Variants in SMARCAD1 observed in about 807,000 individuals in gnomAD.
SMARCAD1 encodes SWI/SNF-related matrix-associated actin-dependent regulator of chromatin subfamily A containing DEAD/H box 1.
SMARCAD1 carries 25 observed loss-of-function variants against 127.1 expected under a neutral mutation model. That is an observed-to-expected ratio of 0.20 (90% CI 0.14 to 0.27). The LOEUF is 0.27. Among genes scored for constraint, SMARCAD1 ranks in the 10% least tolerant of loss-of-function variants. The probability of loss-of-function intolerance (pLI) is 1.00; values close to 1 mark genes in which losing one functional copy is unlikely to be tolerated. For missense variants in SMARCAD1, 807 were observed against 1,206.0 expected (o/e 0.67, Z 4.90); for synonymous variants, 400 against 396.9 (o/e 1.01, Z -0.09).
In SMARCAD1 at chr4:94,270,796, A is replaced by G. The variant is rs1752440772; in HGVS notation, c.1550A>G (p.Asn517Ser). 2 of 1,613,406 alleles carry G rather than the reference A, an allele frequency of 1.2e-6. No individual in the cohort carries two copies. Among genetic ancestry groups the G allele is most frequent in the Admixed American group, 1.7e-5 (1 of 59,986 alleles). The change falls in exon 11 of 24, where the codon AAT becomes AGT. Residue 517 changes from asparagine to serine, a missense_variant. Asn to Ser is a conservative substitution (Grantham distance 46). This residue lies in a region of SMARCAD1 where 148 missense variants were observed against 313.2 expected (regional missense o/e 0.47). Coordinates refer to ENST00000354268, the MANE Select transcript of SMARCAD1 (RefSeq NM_020159.5). ...GCATTGGTACATAAACATGGACTTA[A>G]TGGCATTTTGGCAGATGAAATGGTA... ...WLALVHKHGL[N>S]GILADEMGLG...
At chr4:94,272,521 C>T (rs1752680618) in intron 11 of SMARCAD1, among the ~76,000 whole-genome samples, 1 of 152,146 alleles carries the variant, frequency 6.6e-6, no homozygotes, top group East Asian at 1.9e-4. Context: ...TGCTTTTTTC[C>T]AGTTACTGCT....
Position 94,208,121 on chromosome 4 carries a change from G to A in SMARCAD1, c.-50+51G>A, listed in dbSNP as rs573432918. The A allele has an allele frequency of 1.1e-4, 61 of 574,968 alleles. No individual in the cohort carries two copies. In the East Asian group the frequency reaches 2.2e-3, roughly 21 times the overall value. The allele number at this position is 574,968 out of a possible 1,614,324, so 35.6% of individuals were successfully genotyped here. A position where few individuals can be genotyped will look rare whatever the true frequency, so the allele number is the denominator to read the frequency against. ...GCTCGTGGTTTCAGTAAGGAGGGGC[G>A]GGCGGGGGAGGCGGACGAAGGGGAG... On this transcript the variant is annotated intron_variant, in intron 1 of 23. Transcript: ENST00000354268.
At chr4:94,284,350 A>G (rs77753171) in intron 22 of SMARCAD1, among the ~76,000 whole-genome samples, 7 of 100,426 alleles carry the variant, frequency 7.0e-5, no homozygotes, top group South Asian at 7.3e-4. Context: ...AAAAAAAAAA[A>G]AAAGAAAAAA....
At chr4:94,213,199 A>C in intron 2 of SMARCAD1, 1 of 785,628 alleles carries the variant, frequency 1.3e-6, no homozygotes, top group African/African-American at 1.8e-5. Context: ...AAAACCATAT[A>C]ATAGGGCAAA....
At chr4:94,230,364 A>G (rs943205781) in intron 3 of SMARCAD1, among the ~76,000 whole-genome samples, 4 of 151,956 alleles carry the variant, frequency 2.6e-5, no homozygotes, top group African/African-American at 9.7e-5. Context: ...CTTAGCATAT[A>G]TGTATATATC....
chr4:94,231,401 C>A (rs1185564129), intron 3 of SMARCAD1, among the ~76,000 whole-genome samples: 1 of 152,130 alleles, frequency 6.6e-6, no homozygotes, highest in African/African-American at 2.4e-5. Context: ...GAAGGAACTT[C>A]TTTATCTGAG....
intron 9 of SMARCAD1, among the ~76,000 whole-genome samples, chr4:94,253,983 G>T (rs1749679398): frequency 6.6e-6 from 1 of 152,074 alleles, no homozygotes; most frequent in Non-Finnish European, 1.5e-5. Context: ...TGCTTTTGTG[G>T]TTAATTTTAT....
intron 2 of SMARCAD1, among the ~76,000 whole-genome samples, chr4:94,209,340 T>C (rs1741809384): frequency 6.6e-6 from 1 of 152,190 alleles, no homozygotes; most frequent in African/African-American, 2.4e-5. Flanking sequence ...TAATGTGAAA[T>C]GAGATTCAGA....
At position 94,276,374 on chromosome 4, in the gene SMARCAD1, G is replaced by T; in HGVS notation, c.1844G>T (p.Ser615Ile). The change falls in exon 15 of 24, where the codon AGT becomes ATT. Residue 615 changes from serine to isoleucine, a missense_variant. Physicochemically the swap from Ser to Ile is moderately radical, Grantham distance 142. Coordinates refer to ENST00000354268, the MANE Select transcript of SMARCAD1 (RefSeq NM_020159.5). ...GCGATCAGCAGTTCTGATGACCGTA[G>T]TCTGTTTCGACGGCTGAAACTTAAT... ...NCAISSSDDRSLFRRLKLNYA... is the reference protein window; with the variant it reads ...NCAISSSDDRILFRRLKLNYA... The T allele has an allele frequency of 1.2e-6, 2 of 1,614,142 alleles. No homozygotes were observed. The highest frequency in any genetic ancestry group is 1.7e-6 in the Non-Finnish European group (2 of 1,180,026).
intron 2 of SMARCAD1, among the ~76,000 whole-genome samples, chr4:94,209,068 C>A (rs1741756537): frequency 6.6e-6 from 1 of 152,150 alleles, no homozygotes. Flanking sequence ...TCCTGGATGT[C>A]CTCAGAATGC....
chr4:94,284,438 A>G (rs1553922072), intron 22 of SMARCAD1, among the ~76,000 whole-genome samples: 3 of 150,780 alleles, frequency 2.0e-5, no homozygotes, highest in Non-Finnish European at 4.4e-5. Context: ...ACAGAGCCTC[A>G]CTCTGGCTGG....
Position 94,278,997 on chromosome 4 carries a change from C to A in SMARCAD1, c.2365C>A (p.Arg789Ser), listed in dbSNP as rs781559336. The A allele has an allele frequency of 1.9e-6, 3 of 1,614,002 alleles. No homozygotes were observed. Among genetic ancestry groups the A allele is most frequent in the Non-Finnish European group, 2.5e-6 (3 of 1,179,994 alleles). Residue 789 changes from arginine (R) to serine (S), a missense_variant, in exon 19 of 24, where the codon CGC becomes AGC. Physicochemically the swap from Arg to Ser is moderately radical, Grantham distance 110 (BLOSUM62 -1). Transcript: ENST00000354268. ...RKMANHPLLHRQYYTAEKLKE... is the reference protein window; with the variant it reads ...RKMANHPLLHSQYYTAEKLKE... ...AATGGCCAATCATCCTTTATTACAT[C>A]GCCAATATTACACAGCTGAAAAACT...
chr4:94,269,893 G>A (rs887908272), intron 10 of SMARCAD1, among the ~76,000 whole-genome samples: 3 of 151,760 alleles, frequency 2.0e-5, no homozygotes, highest in Non-Finnish European at 2.9e-5. Context: ...GGCTGGTCGC[G>A]AACTCCTGAG....
At chr4:94,240,764 A>G (rs1345471221) in intron 5 of SMARCAD1, 142 bp from the exon 6 acceptor site, 2 of 671,004 alleles carry the variant, frequency 3.0e-6, no homozygotes, top group Non-Finnish European at 2.7e-6. Context: ...CAATTCAGTC[A>G]TATGTAGAAC....
intron 4 of SMARCAD1, among the ~76,000 whole-genome samples, chr4:94,235,548 T>C (rs1420561042): frequency 6.6e-6 from 1 of 152,028 alleles, no homozygotes; most frequent in Non-Finnish European, 1.5e-5. Context: ...CAGATCATTT[T>C]GATACCATCT....
At chr4:94,235,154 C>A (rs1005827771) in intron 4 of SMARCAD1, among the ~76,000 whole-genome samples, 2 of 151,306 alleles carry the variant, frequency 1.3e-5, no homozygotes, top group Admixed American at 1.3e-4. Context: ...CAACTGACTC[C>A]CAAAAGAAAC....
rs1180157935 is a variant in SMARCAD1 at position 94,208,423 on chromosome 4, G to A, written c.29G>A (p.Arg10His). 1 of 1,613,914 alleles carries A rather than the reference G, an allele frequency of 6.2e-7. No individual in the cohort carries two copies. The highest frequency in any genetic ancestry group is 8.5e-7 in the Non-Finnish European group (1 of 1,179,988). The change falls in exon 2 of 24, where the codon CGC becomes CAC. Residue 10 changes from arginine (R) to histidine (H), a missense_variant. Arg to His is a conservative substitution (Grantham distance 29). Coordinates refer to ENST00000354268, the MANE Select transcript of SMARCAD1 (RefSeq NM_020159.5). MNLFNLDRF[R>H]FEKRNKIEEA... The stretch of plus-strand genomic sequence containing the variant: ...AATCTTTTCAACCTGGACCGTTTTC[G>A]CTTTGAGAAAAGGAATAAGATTGAG...
In SMARCAD1 at chr4:94,283,130, A is replaced by G. The variant is rs200907600; in HGVS notation, c.2736A>G (p.Leu912=). The G allele has an allele frequency of 7.6e-5, 123 of 1,612,438 alleles. No individual in the cohort carries two copies. The highest frequency in any genetic ancestry group is 1.0e-4 in the Non-Finnish European group (123 of 1,179,142). The change falls in exon 22 of 24, where the codon CTA becomes CTG. Residue 912 remains leucine, a synonymous_variant. Transcript: ENST00000354268. ...TTTGTTTATCTTACAGGATTCATCT[A>G]ATTGATGAGTTTAATACCGATATGG... ...GKTQISERIH[L]IDEFNTDMDI...
In SMARCAD1 at chr4:94,290,910, A is replaced by G. The variant is rs1414007572; in HGVS notation, c.*1376A>G. On this transcript the variant is annotated 3_prime_UTR_variant, in exon 24 of 24. Coordinates refer to ENST00000354268, the MANE Select transcript of SMARCAD1 (RefSeq NM_020159.5). ...TACGACCCTCTGGATTTGGAAGGCA[A>G]ATAAAACTCTTACAGTGATTATTTA... 3 of 453,782 alleles carry G rather than the reference A, an allele frequency of 6.6e-6. No individual in the cohort carries two copies. The highest frequency in any genetic ancestry group is 8.8e-6 in the Non-Finnish European group (2 of 226,570). The allele number at this position is 453,782 out of a possible 1,614,324, so 28.1% of individuals were successfully genotyped here.
Sources: gnomAD v4.1 joint callset for allele counts (sites outside exome capture counted in the v4.1 genomes callset) on GRCh38, gnomAD v4.1.1 for gene constraint, gnomAD v4.1.1 regional missense constraint, MANE v1.5 for transcripts, NCBI Gene and HGNC (gene_info 2026-07-23, HGNC 2026-07-21) for gene names.